The following PCDHA9 variants were observed in gnomAD, a reference collection of about 807,000 sequenced individuals.
PCDHA9 encodes the protein protocadherin alpha-9.
In PCDHA9, 62 loss-of-function variants were observed where a neutral mutation model predicts 62.0. The ratio of observed to expected loss-of-function variants is 1.00; its 90% CI spans 0.81 to 1.23. The LOEUF (loss-of-function observed/expected upper bound fraction) is 1.23. PCDHA9 is among the 50% of genes most tolerant of loss of function. The pLI, the probability that PCDHA9 is intolerant of heterozygous loss-of-function variation, is 0.00. For missense variants in PCDHA9, 1,205 were observed against 1,249.8 expected, an observed-to-expected ratio of 0.96 and a Z score of 0.54; for synonymous variants, 557 against 567.6, an observed-to-expected ratio of 0.98 and a Z score of 0.27.
At chr5:140,875,580 C>G (rs1381718234) in intron 1 of PCDHA9, 7 of 1,613,958 alleles carry the variant, frequency 4.3e-6, no homozygotes, top group Admixed American at 1.7e-5. Context: ...ACTCCGTCTA[C>G]GAGGAGGCCA....
chr5:140,864,404 G>A (rs2048464520), intron 1 of PCDHA9: 1 of 152,228 alleles, frequency 6.6e-6, no homozygotes. Flanking sequence ...GTGATGAGCA[G>A]GGTTGAGGCA....
At chr5:140,969,236 G>A (rs782453054) in intron 1 of PCDHA9, 5 of 1,614,052 alleles carry the variant, frequency 3.1e-6, no homozygotes, top group Non-Finnish European at 4.2e-6. Flanking sequence ...GGGAGCCCAA[G>A]CAGCAGTGAC....
rs1238256859 is a variant in PCDHA9, at chr5:141,010,204, C to T, written c.*267C>T. 6.4e-7 allele frequency: 1 copy of T among 1,551,970 alleles called. No homozygotes were observed. On this transcript the variant is annotated 3_prime_UTR_variant, in exon 4 of 4. Transcript: ENST00000532602. The stretch of plus-strand genomic sequence containing the variant: ...GACCCAAGTTTCCTTTCTCCTCCGC[C>T]GCAAAGGAGAGGCTTCCCAGCCCCG...
chr5:140,999,600 TG>T (rs1213821435), intron 3 of PCDHA9, among the ~76,000 whole-genome samples: 3 of 152,150 alleles, frequency 2.0e-5, no homozygotes. Context: ...CCCTACATCC[TG>T]GGGGACCTTA....
chr5:140,962,764 T>C (rs946789298), intron 1 of PCDHA9, among the ~76,000 whole-genome samples: 7 of 152,226 alleles, frequency 4.6e-5, no homozygotes, highest in African/African-American at 1.7e-4. Flanking sequence ...TATTCGTTTT[T>C]AACAAGATGG....
At chr5:140,863,422 G>A (rs782158453) in intron 1 of PCDHA9, 1 of 689,156 alleles carries the variant, frequency 1.5e-6, no homozygotes, top group South Asian at 1.3e-5. Flanking sequence ...GTACCGCAGC[G>A]TAGTGGGATC....
At chr5:140,922,841 A>G (rs982832745) in intron 1 of PCDHA9, among the ~76,000 whole-genome samples, 67 of 152,372 alleles carry the variant, frequency 4.4e-4, no homozygotes, top group African/African-American at 1.5e-3. Flanking sequence ...GATGTCCTCA[A>G]AGAGACCAAA....
At position 140,850,184 on chromosome 5, in the gene PCDHA9, G is replaced by A. The variant is rs2150471787; in HGVS notation, c.1689G>A (p.Pro563=). 1.2e-5 allele frequency: 19 copies of A among 1,593,814 alleles called. 2 individuals carry two copies. The highest frequency in any genetic ancestry group is 4.5e-5 in the East Asian group (2 of 44,826). ...TGCTGGACGAGAACGACAATGCGCC[G>A]GCGCTGCTGACACCTCGGATGAGGG... ...VFVLDENDNA[P]ALLTPRMRGT... The change falls in exon 1 of 4, where the codon CCG becomes CCA. Residue 563 remains proline (P), a synonymous_variant. Coordinates refer to ENST00000532602, the MANE Select transcript of PCDHA9 (RefSeq NM_031857.2).
chr5:140,867,664 C>T (rs2050091732), intron 1 of PCDHA9: 1 of 152,076 alleles, frequency 6.6e-6, no homozygotes, highest in African/African-American at 2.4e-5. Flanking sequence ...TCACTTTCTA[C>T]TCTAAAATTT....
chr5:140,871,290 C>T, intron 1 of PCDHA9: 8 of 1,613,900 alleles, frequency 5.0e-6, no homozygotes, highest in African/African-American at 1.3e-5. Context: ...CCACTGAGGG[C>T]GCGTGCGCGC....
intron 1 of PCDHA9, chr5:140,876,117 C>G: frequency 6.2e-7 from 1 of 1,613,922 alleles, no homozygotes; most frequent in East Asian, 2.2e-5. Context: ...TGATGGTAAT[C>G]GATGGCGGTA....
At chr5:140,873,642 G>A (rs1217578025) in intron 1 of PCDHA9, among the ~76,000 whole-genome samples, 1 of 152,154 alleles carries the variant, frequency 6.6e-6, no homozygotes, top group Non-Finnish European at 1.5e-5. Flanking sequence ...GAGTATGTGA[G>A]AACTACATAA....
rs781974273 is a variant in PCDHA9, at chr5:140,871,561, T to TC, written c.2394+20673dup. 4.7e-6 allele frequency: 7 copies of TC among 1,485,828 alleles called. No homozygotes were observed. In the African/African-American group the frequency reaches 9.9e-5, roughly 21 times the overall value. 92.0% of individuals were successfully genotyped at this position (1,485,828 alleles called of 1,614,324 possible). ...AAATTATTTAAAATCCAGTTTTTTT[T>TC]CACGGATTTTTTAAGGGAAAGTTTT... is the stretch of plus-strand genomic sequence containing the variant. On this transcript the variant is annotated intron_variant, in intron 1 of 3. Coordinates refer to ENST00000532602, the MANE Select transcript of PCDHA9 (RefSeq NM_031857.2).
rs1554189151 is a variant in PCDHA9, at chr5:140,900,427, G to GCA, written c.2394+49539_2394+49540insAC. On this transcript the variant is annotated intron_variant, in intron 1 of 3. Transcript: ENST00000532602. ...CAAGTAGCTGGGATTATAGGCACGT[G>GCA]CCACCACGGCCGGCTAATTTTTTAT... 7.9e-5 allele frequency among the ~76,000 whole-genome samples: 12 copies of GCA among 152,230 alleles called. No homozygotes were observed. The East Asian group carries it at 2.3e-3, about 30-fold the overall frequency.
At chr5:140,967,291 C>T (rs782682819) in intron 1 of PCDHA9, 11 of 1,612,754 alleles carry the variant, frequency 6.8e-6, no homozygotes, top group South Asian at 1.1e-5. Context: ...CGCAGGACCC[C>T]GACGTGGGCG....
intron 3 of PCDHA9, among the ~76,000 whole-genome samples, chr5:140,987,107 G>A (rs936936352): frequency 6.6e-6 from 1 of 151,876 alleles, no homozygotes; most frequent in Non-Finnish European, 1.5e-5. Flanking sequence ...CCAGCTACTC[G>A]GGAGGCTGAG....
rs2150461190 is a variant in PCDHA9 at position 140,849,977 on chromosome 5, G to C, written c.1482G>C (p.Leu494=). Residue 494 remains leucine (L), a synonymous_variant, in exon 1 of 4, where the codon CTG becomes CTC. Coordinates refer to ENST00000532602, the MANE Select transcript of PCDHA9 (RefSeq NM_031857.2). ...AGAACGCCCTGGTGTCCTACTCGCT[G>C]GTGGAGCGGCGGTTGGGCGAGCGCT... The part of the protein sequence containing the change: ...AQENALVSYS[L]VERRLGERSL... 2.2e-5 allele frequency: 35 copies of C among 1,597,540 alleles called. 4 individuals are homozygous for C. The highest frequency in any genetic ancestry group is 3.0e-5 in the Non-Finnish European group (35 of 1,167,900).
rs137969621 is a variant in PCDHA9, at chr5:140,884,072, G to T, written c.2394+33183G>T. The T allele has an allele frequency of 9.1e-5, 147 of 1,613,476 alleles. 1 individual carries two copies. In the African/African-American group the frequency reaches 1.7e-3, roughly 19 times the overall value. On this transcript the variant is annotated intron_variant, in intron 1 of 3. Coordinates refer to ENST00000532602, the MANE Select transcript of PCDHA9 (RefSeq NM_031857.2). ...GGTGCGCGCGGTGGACGCCGATTCGGGCTACAATGCGTGGCTTTCGTATGA... is the reference window on the plus strand; with the variant it reads ...GGTGCGCGCGGTGGACGCCGATTCGTGCTACAATGCGTGGCTTTCGTATGA...
chr5:140,858,727 G>A (rs2045572985), intron 1 of PCDHA9: 2 of 482,238 alleles, frequency 4.1e-6, no homozygotes, highest in Non-Finnish European at 3.7e-6. Context: ...CAGTTCTGAC[G>A]ATTTACTTTC....
Sources: allele counts gnomAD v4.1 joint callset (sites outside exome capture counted in the v4.1 genomes callset), GRCh38; gene constraint gnomAD v4.1.1; transcripts MANE v1.5; gene names NCBI Gene and HGNC (gene_info 2026-07-23, HGNC 2026-07-21).